Variants in CD247 observed in about 807,000 individuals in gnomAD.
CD247 encodes the protein T-cell surface glycoprotein CD3 zeta chain.
In CD247, 13 loss-of-function variants were observed where a neutral mutation model predicts 30.0. The ratio of observed to expected loss-of-function variants is 0.43; its 90% CI spans 0.28 to 0.69. The LOEUF (loss-of-function observed/expected upper bound fraction) is 0.69, where lower values mean the gene tolerates loss of function less well. Among genes scored for constraint, CD247 ranks in the 30% least tolerant of loss-of-function variants. The pLI, the probability that CD247 is intolerant of heterozygous loss-of-function variation, is 0.16. For synonymous variants in CD247, 72 were observed against 80.0 expected (o/e 0.90, Z 0.53); for missense variants, 193 against 212.6 (o/e 0.91, Z 0.57).
intron 1 of CD247, among the ~76,000 whole-genome samples, chr1:167,455,559 C>T (rs1009970071): frequency 2.0e-4 from 30 of 152,242 alleles, no homozygotes; most frequent in South Asian, 4.1e-4. Context: ...GCAGCCCCGC[C>T]CCGCCGGCCC....
chr1:167,449,732 G>C (rs542692160), intron 1 of CD247, among the ~76,000 whole-genome samples: 1 of 152,150 alleles, frequency 6.6e-6, no homozygotes, highest in African/African-American at 2.4e-5. Flanking sequence ...AGACCAGCCT[G>C]GCCAACATGG....
Position 167,518,397 on chromosome 1 carries a change from G to A in CD247, c.58+11C>T, listed in dbSNP as rs375286157. ...TCTAGAAGTTCCCTGCCGTCGACAC[G>A]TCGGCCCTACCTGTAATCGGCAACT... is the stretch of plus-strand genomic sequence containing the variant. On this transcript the variant is annotated intron_variant, in intron 1 of 7. Coordinates refer to ENST00000362089, the MANE Select transcript of CD247 (RefSeq NM_198053.3). The A allele has an allele frequency of 1.7e-5, 28 of 1,613,830 alleles. 1 individual carries two copies. The South Asian group carries it at 2.9e-4, about 16-fold the overall frequency.
At chr1:167,434,658 G>T (rs968241476) in intron 5 of CD247, 2 of 402,286 alleles carry the variant, frequency 5.0e-6, no homozygotes, top group Non-Finnish European at 9.9e-6. Context: ...CCTCGAAGGG[G>T]CCAGCCACCT....
intron 1 of CD247, among the ~76,000 whole-genome samples, chr1:167,473,262 C>T (rs1177635400): frequency 2.0e-5 from 3 of 152,220 alleles, no homozygotes; most frequent in Non-Finnish European, 4.4e-5. Context: ...CTGCCCTCCA[C>T]CGCCCAGGGG....
chr1:167,449,154 T>TTCTTTTTCTTTTTTTC (rs774179799), intron 1 of CD247, among the ~76,000 whole-genome samples: 1,745 of 57,608 alleles, frequency 0.03, 93 homozygotes, highest in African/African-American at 0.13. Context: ...CTTTTCTTTT[T>TTCTTTTTCTTTTTTTC]TTTTTTTTTT....
Position 167,498,158 on chromosome 1 carries a change from G to A in CD247, c.58+20250C>T, listed in dbSNP as rs542271284. The stretch of plus-strand genomic sequence containing the variant: ...GGCAGTGGCTTCTGTTGCTGCTCCC[G>A]TCAAGAAGTGCCTTCCTATCCTGCC... On this transcript the variant is annotated intron_variant, in intron 1 of 7. Transcript: ENST00000362089. Among the ~76,000 whole-genome samples the A allele has an allele frequency of 1.8e-3, 278 of 152,276 alleles. 1 individual carries two copies. The highest frequency in any genetic ancestry group is 6.4e-3 in the African/African-American group (264 of 41,552).
chr1:167,503,516 G>A (rs1473454631), intron 1 of CD247, among the ~76,000 whole-genome samples: 1 of 152,186 alleles, frequency 6.6e-6, no homozygotes, highest in Non-Finnish European at 1.5e-5. Context: ...GCAGACAGAA[G>A]TTTTGGAAAA....
chr1:167,466,416 T>C (rs1025505172), intron 1 of CD247, among the ~76,000 whole-genome samples: 2 of 152,166 alleles, frequency 1.3e-5, no homozygotes, highest in Non-Finnish European at 2.9e-5. Flanking sequence ...ATTCGTCTTT[T>C]TTTTTTTAAA....
chr1:167,510,382 C>A lies in CD247; in HGVS notation c.58+8026G>T, dbSNP rs139577097. ...AGGGGGCACAGACACCTGCAACCAC[C>A]AGAGCCTATGGGTAAATACATGCTG... is the stretch of plus-strand genomic sequence containing the variant. On this transcript the variant is annotated intron_variant, in intron 1 of 7. Transcript: ENST00000362089. Among the ~76,000 whole-genome samples, 437 of 152,328 alleles carry A rather than the reference C, an allele frequency of 2.9e-3. 2 individuals are homozygous for A. Among genetic ancestry groups the A allele is most frequent in the African/African-American group, 0.01 (419 of 41,560 alleles).
At chr1:167,463,369 T>C (rs1222243849) in intron 1 of CD247, among the ~76,000 whole-genome samples, 1 of 152,220 alleles carries the variant, frequency 6.6e-6, no homozygotes, top group Non-Finnish European at 1.5e-5. Flanking sequence ...GCAGTGCTCA[T>C]TCCTGCCTCC....
chr1:167,477,286 A>G (rs1653790902), intron 1 of CD247, among the ~76,000 whole-genome samples: 1 of 152,222 alleles, frequency 6.6e-6, no homozygotes, highest in South Asian at 2.1e-4. Flanking sequence ...CGTTAAGAAC[A>G]AAGCCCATGA....
At chr1:167,458,689 C>CTTTTTTTTTTTTTT (rs3070395) in intron 1 of CD247, 18 of 95,426 alleles carry the variant, frequency 1.9e-4, no homozygotes, top group African/African-American at 3.3e-4. Context: ...TTCTTTCTTT[C>CTTTTTTTTTTTTTT]TTTTTTTTTT....
chr1:167,506,531 C>T (rs957198956), intron 1 of CD247, among the ~76,000 whole-genome samples: 1 of 151,758 alleles, frequency 6.6e-6, no homozygotes, highest in African/African-American at 2.4e-5. Flanking sequence ...CTCTCTCTCT[C>T]TTTTTTATTT....
At chr1:167,515,058 T>C (rs1227464259) in intron 1 of CD247, among the ~76,000 whole-genome samples, 1 of 152,230 alleles carries the variant, frequency 6.6e-6, no homozygotes, top group Admixed American at 6.5e-5. Flanking sequence ...GAAGCAGATG[T>C]GATCTCTAGG....
chr1:167,497,992 G>A (rs1054384427), intron 1 of CD247, among the ~76,000 whole-genome samples: 1 of 152,204 alleles, frequency 6.6e-6, no homozygotes, highest in African/African-American at 2.4e-5. Context: ...AGTTTACTGA[G>A]GGTCTAGACT....
rs1463018089 is a variant in CD247 at position 167,494,245 on chromosome 1, A to T, written c.58+24163T>A. 6.6e-6 allele frequency among the ~76,000 whole-genome samples: 1 copy of T among 152,174 alleles called. No individual in the cohort carries two copies. Among genetic ancestry groups the T allele is most frequent in the African/African-American group, 2.4e-5 (1 of 41,436 alleles). On this transcript the variant is annotated intron_variant, in intron 1 of 7. Coordinates refer to ENST00000362089, the MANE Select transcript of CD247 (RefSeq NM_198053.3). This position sits in a 1 kb window ranked among gnomAD's most constrained non-coding sequence, Gnocchi z 7.3. ...TTTGCTGCCTGTGTTGATGGCCATG[A>T]TCAATTCGGATCCCCAGGGCCAGTT...
At chr1:167,496,567 C>T (rs1472892906) in intron 1 of CD247, among the ~76,000 whole-genome samples, 1 of 152,186 alleles carries the variant, frequency 6.6e-6, no homozygotes, top group African/African-American at 2.4e-5. Context: ...TCTGACTCTA[C>T]AGAGCGGGCA....
At chr1:167,466,935 G>A (rs1203863556) in intron 1 of CD247, among the ~76,000 whole-genome samples, 1 of 152,156 alleles carries the variant, frequency 6.6e-6, no homozygotes, top group Non-Finnish European at 1.5e-5. Context: ...TGCCTCCCAG[G>A]TTCACGCCAT....
intron 1 of CD247, among the ~76,000 whole-genome samples, chr1:167,493,529 C>A (rs1259676454): frequency 6.6e-6 from 1 of 152,152 alleles, no homozygotes; most frequent in Non-Finnish European, 1.5e-5. Context: ...TGGGTCCTCA[C>A]AACAGCCATA....
Sources: allele counts gnomAD v4.1 joint callset (sites outside exome capture counted in the v4.1 genomes callset), GRCh38; gene constraint gnomAD v4.1.1; non-coding constraint Gnocchi (gnomAD v3.1); transcripts MANE v1.5; gene names NCBI Gene and HGNC (gene_info 2026-07-23, HGNC 2026-07-21).